Variants in ZBTB38 observed in about 807,000 individuals in gnomAD.
ZBTB38 encodes zinc finger and BTB domain containing 38.
ZBTB38 carries 20 observed loss-of-function variants against 76.8 expected under a neutral mutation model. The observed-to-expected ratio is 0.26, with a 90% confidence interval of 0.18 to 0.38. The LOEUF (loss-of-function observed/expected upper bound fraction) is 0.38. Ranked by LOEUF, ZBTB38 falls within the 10% of genes least tolerant of loss-of-function variation. The probability of loss-of-function intolerance (pLI) is 1.00; values close to 1 mark genes in which losing one functional copy is unlikely to be tolerated. For synonymous variants in ZBTB38, 504 were observed against 544.2 expected, an observed-to-expected ratio of 0.93 and a Z score of 1.03; for missense variants, 1,082 against 1,482.3, an observed-to-expected ratio of 0.73 and a Z score of 4.43.
intron 1 of ZBTB38, among the ~76,000 whole-genome samples, chr3:141,354,067 T>A (rs1450772130): frequency 6.6e-6 from 1 of 152,160 alleles, no homozygotes; most frequent in Non-Finnish European, 1.5e-5. Flanking sequence ...TTCACACTCT[T>A]ACAAATAGTG....
Position 141,351,071 on chromosome 3 carries a change from A to G in ZBTB38, c.-738-17550A>G, listed in dbSNP as rs142194762. 2.6e-5 allele frequency among the ~76,000 whole-genome samples: 4 copies of G among 152,338 alleles called. No individual in the cohort carries two copies. The East Asian group carries it at 5.8e-4, about 22-fold the overall frequency. On this transcript the variant is annotated intron_variant, in intron 1 of 7. Transcript: ENST00000509842. ...TTTATATTATAAAACGTGGGTTGCT[A>G]AACTATAAAGAAAAGCCAGTGAAAG...
rs71976494 is a variant in ZBTB38 at position 141,431,323 on chromosome 3, C to CAAAAAAAAAAAAAAA, written c.1-11061_1-11047dup. Reference sequence around the variant, plus strand: ...GGGGGACAAGAGCGAGACTTCGTCTCAAAAAAAAAAAAAAAAAAATATATA... The same window carrying CAAAAAAAAAAAAAAA: ...GGGGGACAAGAGCGAGACTTCGTCTCAAAAAAAAAAAAAAAAAAAAAAAAAAAAAAAAAATATATA... On this transcript the variant is annotated intron_variant, in intron 5 of 5. Coordinates refer to ENST00000321464, the MANE Select transcript of ZBTB38 (RefSeq NM_001376113.1). Among the ~76,000 whole-genome samples, 12 of 101,398 alleles carry CAAAAAAAAAAAAAAA rather than the reference C, an allele frequency of 1.2e-4. 1 individual carries two copies. In the East Asian group the frequency reaches 5.1e-3, roughly 43 times the overall value. 66.5% of individuals were successfully genotyped at this position (101,398 alleles called of 152,430 possible).
At chr3:141,386,089 C>T (rs905367338) in intron 3 of ZBTB38, 1 of 152,114 alleles carries the variant, frequency 6.6e-6, no homozygotes, top group African/African-American at 2.4e-5. Context: ...TTTGGTATTC[C>T]TATTAATGGC....
chr3:141,350,920 G>A (rs1159801443), intron 1 of ZBTB38, among the ~76,000 whole-genome samples: 2 of 152,200 alleles, frequency 1.3e-5, no homozygotes, highest in Admixed American at 1.3e-4. Flanking sequence ...ATATGGAGAT[G>A]TCTACCAGAA....
chr3:141,407,435 A>G (rs1421094086), intron 5 of ZBTB38, among the ~76,000 whole-genome samples: 3 of 152,208 alleles, frequency 2.0e-5, no homozygotes, highest in Non-Finnish European at 2.9e-5. Flanking sequence ...TCTATATACC[A>G]TAGTAGGTAA....
At chr3:141,391,074 T>C (rs910432385) in intron 4 of ZBTB38, among the ~76,000 whole-genome samples, 3 of 152,000 alleles carry the variant, frequency 2.0e-5, no homozygotes, top group Non-Finnish European at 2.9e-5. Flanking sequence ...GTAGGAGTAT[T>C]ACTTGAGCCC....
At chr3:141,431,323 C>CAA (rs71976494) in intron 5 of ZBTB38, among the ~76,000 whole-genome samples, 15 of 101,370 alleles carry the variant, frequency 1.5e-4, no homozygotes, top group East Asian at 9.2e-4. Context: ...GACTTCGTCT[C>CAA]AAAAAAAAAA....
chr3:141,361,607 C>T (rs1943828674), intron 1 of ZBTB38, among the ~76,000 whole-genome samples: 1 of 152,166 alleles, frequency 6.6e-6, no homozygotes, highest in Non-Finnish European at 1.5e-5. Context: ...AAATAGAAAA[C>T]CCCACAACAA....
chr3:141,348,330 A>G (rs1052744763), intron 1 of ZBTB38, among the ~76,000 whole-genome samples: 1 of 152,242 alleles, frequency 6.6e-6, no homozygotes, highest in African/African-American at 2.4e-5. Context: ...TTCTTGAGCT[A>G]ATATACATGC....
At chr3:141,383,262 A>G (rs2149198833) in intron 3 of ZBTB38, among the ~76,000 whole-genome samples, 1 of 152,314 alleles carries the variant, frequency 6.6e-6, no homozygotes, top group Middle Eastern at 3.4e-3. Flanking sequence ...AAATTAAATC[A>G]CCATGTTGTT....
chr3:141,389,532 G>A (rs1174242982), intron 4 of ZBTB38: 3 of 144,402 alleles, frequency 2.1e-5, no homozygotes, highest in Non-Finnish European at 4.5e-5. Context: ...TTTGAATATA[G>A]TATCAATCAG....
At chr3:141,342,685 C>G (rs543533734) in intron 1 of ZBTB38, among the ~76,000 whole-genome samples, 1 of 146,838 alleles carries the variant, frequency 6.8e-6, no homozygotes, top group Non-Finnish European at 1.5e-5. Context: ...AAGTTTAGCC[C>G]GAAATAAAAA....
Position 141,370,277 on chromosome 3 carries a change from C to T in ZBTB38, c.-235+331C>T, listed in dbSNP as rs549902996. 3.9e-5 allele frequency among the ~76,000 whole-genome samples: 6 copies of T among 152,294 alleles called. No homozygotes were observed. In the South Asian group the frequency reaches 1.2e-3, roughly 32 times the overall value. The stretch of plus-strand genomic sequence containing the variant: ...TTTTCAAGGTCGCCTAGGGGTGTCT[C>T]CACTCCTCAGTGCAGTAAGAAAAGA... On this transcript the variant is annotated intron_variant, in intron 2 of 5. Coordinates refer to ENST00000321464, the MANE Select transcript of ZBTB38 (RefSeq NM_001376113.1).
intron 5 of ZBTB38, among the ~76,000 whole-genome samples, chr3:141,432,725 A>T (rs933918521): frequency 2.0e-5 from 3 of 152,248 alleles, no homozygotes; most frequent in Non-Finnish European, 1.5e-5. Flanking sequence ...TTTCAGTAAG[A>T]TCGCCTTAAC....
In ZBTB38 at chr3:141,413,090, G is replaced by A. The variant is rs1264597112; in HGVS notation, c.-1+9059G>A. Among the ~76,000 whole-genome samples, 2 of 152,222 alleles carry A rather than the reference G, an allele frequency of 1.3e-5. No homozygotes were observed. The highest frequency in any genetic ancestry group is 2.9e-5 in the Non-Finnish European group (2 of 68,038). Reference sequence around the variant, plus strand: ...AACTGGAAACATGGGAGGAGGAATTGTGGGAAATGGGGAAGAAGAAAATGT... The same window carrying A: ...AACTGGAAACATGGGAGGAGGAATTATGGGAAATGGGGAAGAAGAAAATGT... On this transcript the variant is annotated intron_variant, in intron 5 of 5. Coordinates refer to ENST00000321464, the MANE Select transcript of ZBTB38 (RefSeq NM_001376113.1). The surrounding 1 kb of genome is among the most constrained non-coding windows in gnomAD (Gnocchi z 4.1).
intron 4 of ZBTB38, chr3:141,388,293 C>T (rs747809659): frequency 7.2e-5 from 11 of 151,834 alleles, no homozygotes; most frequent in Admixed American, 6.6e-4. Context: ...TTTTAAGAAG[C>T]GGTCTTTAAA....
intron 5 of ZBTB38, among the ~76,000 whole-genome samples, chr3:141,436,842 A>G (rs1405746261): frequency 6.6e-6 from 1 of 152,214 alleles, no homozygotes; most frequent in Non-Finnish European, 1.5e-5. Flanking sequence ...ATGGTTAACT[A>G]AGATTTTCAA....
chr3:141,403,153 G>GT (rs1952945169), intron 4 of ZBTB38: 1 of 152,204 alleles, frequency 6.6e-6, no homozygotes, highest in Admixed American at 6.5e-5. Context: ...ACTGCGGTAG[G>GT]TAAGTGCCTA....
intron 4 of ZBTB38, among the ~76,000 whole-genome samples, chr3:141,394,009 T>G (rs904118331): frequency 9.0e-5 from 11 of 121,860 alleles, no homozygotes; most frequent in Non-Finnish European, 1.8e-4. Context: ...TCTTTCTTTC[T>G]TTTCTTTCTT....
Sources: gnomAD v4.1 joint callset for allele counts (sites outside exome capture counted in the v4.1 genomes callset) on GRCh38, gnomAD v4.1.1 for gene constraint, Gnocchi (gnomAD v3.1) non-coding constraint, MANE v1.5 for transcripts, NCBI Gene and HGNC (gene_info 2026-07-23, HGNC 2026-07-21) for gene names.